The following MALRD1 variants were observed in gnomAD, a reference collection of about 807,000 sequenced individuals.
MALRD1 encodes the protein MAM and LDL receptor class A domain containing 1, also known as MAM and LDL-receptor class A domain-containing protein 1.
A neutral mutation model predicts 242.1 loss-of-function variants in MALRD1; 247 were observed. That is an observed-to-expected ratio of 1.02 (90% CI 0.92 to 1.13). The LOEUF (loss-of-function observed/expected upper bound fraction) is 1.13. MALRD1 is among the 50% of genes most tolerant of loss of function. The pLI, the probability that MALRD1 is intolerant of heterozygous loss-of-function variation, is 0.00. For missense variants in MALRD1, 2,989 were observed against 2,533.1 expected (o/e 1.18, Z -3.86); for synonymous variants, 995 against 866.6 (o/e 1.15, Z -2.60).
At chr10:19,489,283 A>T (rs1347825789) in intron 29 of MALRD1, 2 of 492,748 alleles carry the variant, frequency 4.1e-6, no homozygotes, top group Non-Finnish European at 8.3e-6. Flanking sequence ...CAAAGGGAAA[A>T]CAGGCCTAAG....
chr10:19,566,879 A>T (rs551980235), intron 32 of MALRD1, among the ~76,000 whole-genome samples: 5 of 152,034 alleles, frequency 3.3e-5, no homozygotes, highest in South Asian at 2.1e-4. Context: ...TTATTTTTTT[A>T]AATTATTTGT....
At chr10:19,375,842 G>T (rs182766096) in intron 26 of MALRD1, among the ~76,000 whole-genome samples, 1 of 152,178 alleles carries the variant, frequency 6.6e-6, no homozygotes, top group Non-Finnish European at 1.5e-5. Flanking sequence ...ATCTCCAGGC[G>T]GCCAGACACA....
At chr10:19,153,537 T>A (rs952140471) in intron 11 of MALRD1, among the ~76,000 whole-genome samples, 10 of 151,902 alleles carry the variant, frequency 6.6e-5, no homozygotes, top group Non-Finnish European at 1.3e-4. Context: ...TACAAAAAAA[T>A]TTAAAAATTT....
At chr10:19,371,836 G>C (rs1272716420) in intron 26 of MALRD1, among the ~76,000 whole-genome samples, 3 of 152,108 alleles carry the variant, frequency 2.0e-5, no homozygotes, top group Non-Finnish European at 4.4e-5. Context: ...TAGCACTAGG[G>C]ATAATTGGTT....
intron 28 of MALRD1, among the ~76,000 whole-genome samples, chr10:19,445,386 A>T (rs2486060): frequency 2.9e-4 from 44 of 152,108 alleles, no homozygotes; most frequent in Non-Finnish European, 5.1e-4. Context: ...AGGAGAAGAG[A>T]CACTCTGATT....
intron 5 of MALRD1, among the ~76,000 whole-genome samples, chr10:19,122,331 C>G (rs1355663570): frequency 6.6e-6 from 1 of 152,044 alleles, no homozygotes; most frequent in African/African-American, 2.4e-5. Flanking sequence ...GACAAGGAAA[C>G]GTTATCATCA....
chr10:19,545,160 C>A (rs141786748), intron 32 of MALRD1, among the ~76,000 whole-genome samples: 2 of 152,092 alleles, frequency 1.3e-5, no homozygotes, highest in Admixed American at 6.6e-5. Flanking sequence ...GCATATCTAT[C>A]CCTCATGTTT....
chr10:19,218,633 G>C (rs1370881187), intron 18 of MALRD1, among the ~76,000 whole-genome samples: 2 of 152,014 alleles, frequency 1.3e-5, no homozygotes, highest in Non-Finnish European at 2.9e-5. Flanking sequence ...GAGTTATTTG[G>C]TCTAACCCAT....
chr10:19,503,962 A>G (rs1386302045), intron 31 of MALRD1, among the ~76,000 whole-genome samples: 1 of 152,230 alleles, frequency 6.6e-6, no homozygotes, highest in Non-Finnish European at 1.5e-5. Context: ...GACTGACAAG[A>G]GCATACAAGC....
chr10:19,530,464 TAAA>T (rs1834357090), intron 31 of MALRD1, among the ~76,000 whole-genome samples: 2 of 24,190 alleles, frequency 8.3e-5, no homozygotes, highest in African/African-American at 1.1e-4. Context: ...TATATAATAA[TAAA>T]TAATTATATA....
rs1842574450 is a variant in MALRD1, at chr10:19,686,151, T to C, written c.6138-6131T>C. Among the ~76,000 whole-genome samples, 3 of 147,662 alleles carry C rather than the reference T, an allele frequency of 2.0e-5. No individual in the cohort carries two copies. The Admixed American group carries it at 2.1e-4, about 10-fold the overall frequency. ...GTTTTAGAGCAGGAGTGAAAATTTA[T>C]TAAAAAGCTTTAGAACAGGAATGAA... On this transcript the variant is annotated intron_variant, in intron 36 of 39. Transcript: ENST00000454679.
At chr10:19,290,360 T>G (rs1013958529) in intron 21 of MALRD1, 1 of 152,218 alleles carries the variant, frequency 6.6e-6, no homozygotes, top group African/African-American at 2.4e-5. Flanking sequence ...AGCACAGAGT[T>G]CGGTGAGTGG....
intron 36 of MALRD1, among the ~76,000 whole-genome samples, chr10:19,635,927 G>A (rs376547078): frequency 1.3e-5 from 2 of 151,278 alleles, no homozygotes; most frequent in African/African-American, 4.9e-5. Flanking sequence ...TTGAAACGCA[G>A]CGTCACTCTG....
intron 29 of MALRD1, among the ~76,000 whole-genome samples, chr10:19,471,204 G>A (rs1187912623): frequency 5.3e-5 from 8 of 151,508 alleles, no homozygotes; most frequent in Non-Finnish European, 8.9e-5. Flanking sequence ...TTTTCATTAT[G>A]TATTCTTGGC....
chr10:19,167,142 G>C (rs1364191035), intron 13 of MALRD1, among the ~76,000 whole-genome samples: 1 of 151,994 alleles, frequency 6.6e-6, no homozygotes, highest in African/African-American at 2.4e-5. Flanking sequence ...GGTGGATCAC[G>C]AGATCAGGAG....
intron 33 of MALRD1, among the ~76,000 whole-genome samples, chr10:19,583,437 T>C (rs1481430046): frequency 6.0e-5 from 9 of 148,778 alleles, no homozygotes; most frequent in Admixed American, 2.7e-4. Context: ...GCATGAAGGG[T>C]TGTTGAATTT....
intron 36 of MALRD1, among the ~76,000 whole-genome samples, chr10:19,624,266 C>T (rs1839540846): frequency 6.6e-6 from 1 of 152,048 alleles, no homozygotes; most frequent in African/African-American, 2.4e-5. Flanking sequence ...CCTAAATGCC[C>T]ATGGATGAAT....
intron 18 of MALRD1, among the ~76,000 whole-genome samples, chr10:19,249,283 G>A (rs974397367): frequency 6.6e-6 from 1 of 151,662 alleles, no homozygotes; most frequent in Non-Finnish European, 1.5e-5. Context: ...GGTAGAAATC[G>A]AATTGGAATC....
chr10:19,536,176 G>T (rs957271996), intron 32 of MALRD1, among the ~76,000 whole-genome samples: 1 of 152,002 alleles, frequency 6.6e-6, no homozygotes, highest in African/African-American at 2.4e-5. Flanking sequence ...GTCAATGGAA[G>T]GTACCCACAA....
Sources: gnomAD v4.1 joint callset for allele counts (sites outside exome capture counted in the v4.1 genomes callset) on GRCh38, gnomAD v4.1.1 for gene constraint, MANE v1.5 for transcripts, NCBI Gene and HGNC (gene_info 2026-07-23, HGNC 2026-07-21) for gene names.